The following SLC24A3 variants were observed in gnomAD, a reference collection of about 807,000 sequenced individuals.
The protein encoded by SLC24A3 is solute carrier family 24 member 3, also known as sodium/potassium/calcium exchanger 3.
SLC24A3 carries 28 observed loss-of-function variants against 75.8 expected under a neutral mutation model. The observed-to-expected ratio is 0.37, with a 90% CI of 0.27 to 0.51. The LOEUF (loss-of-function observed/expected upper bound fraction) is 0.51, where lower values mean the gene tolerates loss of function less well. Among genes scored for constraint, SLC24A3 ranks in the 20% least tolerant of loss-of-function variants. SLC24A3 has a pLI of 0.94. For synonymous variants in SLC24A3, 372 were observed against 334.1 expected, an observed-to-expected ratio of 1.11 and a Z score of -1.24; for missense variants, 663 against 847.8, an observed-to-expected ratio of 0.78 and a Z score of 2.71.
intron 3 of SLC24A3, among the ~76,000 whole-genome samples, chr20:19,568,621 A>G (rs2030999909): frequency 6.6e-6 from 1 of 152,172 alleles, no homozygotes; most frequent in South Asian, 2.1e-4. Context: ...ATGGGGAGTT[A>G]TTGTTTAATA....
intron 8 of SLC24A3, among the ~76,000 whole-genome samples, chr20:19,666,322 C>T (rs775288358): frequency 1.3e-5 from 2 of 151,672 alleles, no homozygotes; most frequent in South Asian, 2.1e-4. Flanking sequence ...CTGGCTAATA[C>T]GGTGAAACCT....
chr20:19,439,567 T>A (rs1225197022), intron 2 of SLC24A3, among the ~76,000 whole-genome samples: 1 of 152,184 alleles, frequency 6.6e-6, no homozygotes, highest in African/African-American at 2.4e-5. Context: ...AGTAACTTCT[T>A]AGCACCCCAC....
chr20:19,515,386 A>T, intron 2 of SLC24A3, 102 bp from the exon 3 acceptor site: 2 of 1,075,240 alleles, frequency 1.9e-6, no homozygotes, highest in Non-Finnish European at 2.8e-6. Context: ...TCTTTTTTTC[A>T]TCCAAGTTCA....
At chr20:19,655,911 T>C (rs1368324927) in intron 7 of SLC24A3, among the ~76,000 whole-genome samples, 4 of 152,124 alleles carry the variant, frequency 2.6e-5, no homozygotes, top group Admixed American at 2.6e-4. Context: ...TCATTTTATA[T>C]ATATATATCT....
intron 2 of SLC24A3, among the ~76,000 whole-genome samples, chr20:19,453,714 T>C (rs923752134): frequency 6.6e-6 from 1 of 152,238 alleles, no homozygotes; most frequent in Non-Finnish European, 1.5e-5. Context: ...TGCTCAGACC[T>C]GTGCGCCCAC....
intron 2 of SLC24A3, among the ~76,000 whole-genome samples, chr20:19,366,680 T>C (rs577056410): frequency 6.6e-6 from 1 of 152,280 alleles, no homozygotes; most frequent in Non-Finnish European, 1.5e-5. Flanking sequence ...GAGGGATCTT[T>C]GGTAAAATCA....
rs1025076635 is a variant in SLC24A3, at chr20:19,665,906, C to T, written c.713+17C>T. On this transcript the variant is annotated intron_variant, in intron 8 of 16. Transcript: ENST00000328041. Reference sequence around the variant, plus strand: ...AGTTTCCTGGTAAGTACCTCTCTTTCCCCTTCTCATTTCTGAATGTTATGT... The same window carrying T: ...AGTTTCCTGGTAAGTACCTCTCTTTTCCCTTCTCATTTCTGAATGTTATGT... The T allele has an allele frequency of 4.3e-6, 7 of 1,611,368 alleles. No individual in the cohort carries two copies. The highest frequency in any genetic ancestry group is 5.1e-6 in the Non-Finnish European group (6 of 1,178,732).
chr20:19,632,426 G>A (rs982791622), intron 6 of SLC24A3, among the ~76,000 whole-genome samples: 8 of 152,082 alleles, frequency 5.3e-5, no homozygotes, highest in East Asian at 1.9e-4. Flanking sequence ...TCCTTGACTC[G>A]TGGCCTCTTC....
intron 3 of SLC24A3, among the ~76,000 whole-genome samples, chr20:19,575,154 A>G (rs1007518234): frequency 1.3e-5 from 2 of 151,190 alleles, no homozygotes; most frequent in Non-Finnish European, 2.9e-5. Flanking sequence ...CAGGCAGCTA[A>G]GGTAGGAGGA....
intron 3 of SLC24A3, among the ~76,000 whole-genome samples, chr20:19,556,002 G>T (rs1176026588): frequency 6.6e-6 from 1 of 152,158 alleles, no homozygotes; most frequent in Non-Finnish European, 1.5e-5. Context: ...AGGAGATTTG[G>T]TGTCTGGTAA....
At chr20:19,315,848 A>C (rs190721491) in intron 2 of SLC24A3, among the ~76,000 whole-genome samples, 62 of 152,334 alleles carry the variant, frequency 4.1e-4, no homozygotes, top group African/African-American at 1.5e-3. Context: ...TCCACAACTG[A>C]AAATATCATA....
chr20:19,340,191 A>G (rs1985236746), intron 2 of SLC24A3, among the ~76,000 whole-genome samples: 4 of 152,182 alleles, frequency 2.6e-5, no homozygotes, highest in Non-Finnish European at 5.9e-5. Flanking sequence ...GTTTATTAGT[A>G]TCGTACTAAT....
In SLC24A3 at chr20:19,250,137, G is replaced by A. The variant is rs182265926; in HGVS notation, c.143-30822G>A. On this transcript the variant is annotated intron_variant, in intron 1 of 16. Coordinates refer to ENST00000328041, the MANE Select transcript of SLC24A3 (RefSeq NM_020689.4). ...CACGCTGTGCTGAGCTCAGCACTGG[G>A]TGCTGGCATATTTGCTGGCAATTTC... Among the ~76,000 whole-genome samples, 556 of 152,314 alleles carry A rather than the reference G, an allele frequency of 3.7e-3. 1 individual carries two copies. The highest frequency in any genetic ancestry group is 0.02 in the Middle Eastern group (6 of 294).
rs780916039 is a variant in SLC24A3, at chr20:19,665,900, C to T, written c.713+11C>T. The stretch of plus-strand genomic sequence containing the variant: ...TGAAAAAGTTTCCTGGTAAGTACCT[C>T]TCTTTCCCCTTCTCATTTCTGAATG... On this transcript the variant is annotated intron_variant, in intron 8 of 16. Coordinates refer to ENST00000328041, the MANE Select transcript of SLC24A3 (RefSeq NM_020689.4). 13 of 1,611,876 alleles carry T rather than the reference C, an allele frequency of 8.1e-6. No individual in the cohort carries two copies. The South Asian group carries it at 1.3e-4, about 16-fold the overall frequency.
intron 2 of SLC24A3, among the ~76,000 whole-genome samples, chr20:19,393,975 T>G (rs1344616196): frequency 6.6e-6 from 1 of 152,188 alleles, no homozygotes; most frequent in Admixed American, 6.5e-5. Flanking sequence ...AAAGCTACAG[T>G]GATCAAAACA....
At chr20:19,433,372 C>G (rs1987136805) in intron 2 of SLC24A3, among the ~76,000 whole-genome samples, 1 of 152,208 alleles carries the variant, frequency 6.6e-6, no homozygotes, top group African/African-American at 2.4e-5. Flanking sequence ...AATGAATGTT[C>G]CGCAGGGAAA....
chr20:19,456,233 C>T (rs1178276784), intron 2 of SLC24A3, among the ~76,000 whole-genome samples: 1 of 152,218 alleles, frequency 6.6e-6, no homozygotes, highest in East Asian at 1.9e-4. Context: ...CAGGAGGAGA[C>T]ATACAACCAG....
At chr20:19,633,457 G>T (rs1197289737) in intron 6 of SLC24A3, among the ~76,000 whole-genome samples, 1 of 151,886 alleles carries the variant, frequency 6.6e-6, no homozygotes, top group Non-Finnish European at 1.5e-5. Flanking sequence ...AGACCATCCC[G>T]GCTAAACCGG....
intron 2 of SLC24A3, among the ~76,000 whole-genome samples, chr20:19,359,584 A>G (rs1053964366): frequency 6.6e-6 from 1 of 152,196 alleles, no homozygotes; most frequent in African/African-American, 2.4e-5. Context: ...GCACCTCCAT[A>G]GATTTCTATC....
Sources: gnomAD v4.1 joint callset for allele counts (sites outside exome capture counted in the v4.1 genomes callset) on GRCh38, gnomAD v4.1.1 for gene constraint, MANE v1.5 for transcripts, NCBI Gene and HGNC (gene_info 2026-07-23, HGNC 2026-07-21) for gene names.